SETD2: variants seen among roughly 807,000 people sequenced by gnomAD.
SETD2 encodes SET domain containing 2, histone lysine methyltransferase, also known as histone-lysine N-methyltransferase SETD2.
A neutral mutation model predicts 242.1 loss-of-function variants in SETD2; 31 were observed. That is an observed-to-expected ratio of 0.13 (90% CI 0.10 to 0.17). SETD2 has a LOEUF of 0.17. Ranked by LOEUF, SETD2 falls within the 10% of genes least tolerant of loss-of-function variation. The probability of loss-of-function intolerance (pLI) is 1.00; values close to 1 mark genes in which losing one functional copy is unlikely to be tolerated. For synonymous variants in SETD2, 1,006 were observed against 1,066.5 expected (o/e 0.94, Z 1.11); for missense variants, 2,481 against 3,046.3 (o/e 0.81, Z 4.37).
At chr3:47,110,412 A>G (rs142267117) in intron 5 of SETD2, among the ~76,000 whole-genome samples, 3 of 152,336 alleles carry the variant, frequency 2.0e-5, no homozygotes, top group African/African-American at 7.2e-5. Flanking sequence ...AAAATGGTCA[A>G]TATTATATTA....
At chr3:47,162,078 G>A (rs1421945945) in intron 1 of SETD2, among the ~76,000 whole-genome samples, 2 of 152,106 alleles carry the variant, frequency 1.3e-5, no homozygotes, top group Non-Finnish European at 2.9e-5. Flanking sequence ...GTCTACCAAA[G>A]ATGCACTTCT....
At chr3:47,065,985 T>G (rs1403851672) in intron 13 of SETD2, among the ~76,000 whole-genome samples, 1 of 152,158 alleles carries the variant, frequency 6.6e-6, no homozygotes, top group Non-Finnish European at 1.5e-5. Flanking sequence ...AGTCAACCCT[T>G]GAACAACATG....
At chr3:47,112,599 T>C (rs1320619804) in intron 5 of SETD2, among the ~76,000 whole-genome samples, 2 of 150,520 alleles carry the variant, frequency 1.3e-5, no homozygotes, top group Non-Finnish European at 3.0e-5. Context: ...GGGTTTTTTG[T>C]TTGTTTTCGA....
rs2106696786 is a variant in SETD2, at chr3:47,123,160, A to G, written c.1476T>C (p.Asp492=). 6.2e-7 allele frequency: 1 copy of G among 1,611,262 alleles called. No individual in the cohort carries two copies. The highest frequency in any genetic ancestry group is 2.2e-5 in the East Asian group (1 of 44,834). Residue 492 remains aspartate (D), a synonymous_variant, in exon 3 of 21, where the codon GAT becomes GAC. Coordinates refer to ENST00000409792, the MANE Select transcript of SETD2 (RefSeq NM_014159.7). ...DLRTSSYSKS[D]RDCKTETSYL... The stretch of plus-strand genomic sequence containing the variant: ...AAGAGGTCTCAGTTTTACAGTCCCG[A>G]TCAGATTTAGAATAGGATGATGTCC...
intron 8 of SETD2, among the ~76,000 whole-genome samples, chr3:47,101,174 AAG>A (rs2042197559): frequency 6.6e-6 from 1 of 152,090 alleles, no homozygotes; most frequent in Non-Finnish European, 1.5e-5. Flanking sequence ...CAGACACAAA[AAG>A]AGTTGGCATG....
Position 47,120,948 on chromosome 3 carries a change from G to A in SETD2, c.3688C>T (p.Leu1230=), listed in dbSNP as rs749093231. 6.2e-7 allele frequency: 1 copy of A among 1,614,200 alleles called. No individual in the cohort carries two copies. The highest frequency in any genetic ancestry group is 8.5e-7 in the Non-Finnish European group (1 of 1,180,024). ...GAAAAACTCAATTCTGTTTTTCCCAGTCTACTATCTGGCCTGTTTTGGAAA... is the reference window on the plus strand; with the variant it reads ...GAAAAACTCAATTCTGTTTTTCCCAATCTACTATCTGGCCTGTTTTGGAAA... The part of the protein sequence containing the change: ...TTFQNRPDSR[L]GKTELSFSSS... The change falls in exon 3 of 21, where the codon CTG becomes TTG. Residue 1230 remains leucine, a synonymous_variant. Coordinates refer to ENST00000409792, the MANE Select transcript of SETD2 (RefSeq NM_014159.7).
intron 18 of SETD2, among the ~76,000 whole-genome samples, chr3:47,021,914 G>T (rs138245418): frequency 9.8e-4 from 149 of 151,452 alleles, no homozygotes; most frequent in African/African-American, 3.4e-3. Context: ...TTTGGGAGGC[G>T]GAGGAGGGCG....
At chr3:47,049,670 CCT>C (rs2039717325) in intron 15 of SETD2, among the ~76,000 whole-genome samples, 1 of 146,528 alleles carries the variant, frequency 6.8e-6, no homozygotes, top group Admixed American at 6.9e-5. Context: ...CCGCGCCTGG[CCT>C]ATATATAAAC....
At chr3:47,022,081 G>C (rs2038246169) in intron 18 of SETD2, among the ~76,000 whole-genome samples, 1 of 152,002 alleles carries the variant, frequency 6.6e-6, no homozygotes, top group African/African-American at 2.4e-5. Context: ...TGTAGTCCCA[G>C]CTACTTGGGA....
At chr3:47,132,260 G>A (rs1034939691) in intron 1 of SETD2, among the ~76,000 whole-genome samples, 1 of 151,272 alleles carries the variant, frequency 6.6e-6, no homozygotes, top group Non-Finnish European at 1.5e-5. Context: ...AGCCTCCTGA[G>A]TAGCTGGGAC....
chr3:47,041,662 C>A (rs1422935986), intron 17 of SETD2, among the ~76,000 whole-genome samples: 1 of 152,096 alleles, frequency 6.6e-6, no homozygotes, highest in Non-Finnish European at 1.5e-5. Flanking sequence ...CAGAGACACA[C>A]ACACACAAAG....
At chr3:47,112,464 T>C (rs1426794975) in intron 5 of SETD2, among the ~76,000 whole-genome samples, 1 of 152,162 alleles carries the variant, frequency 6.6e-6, no homozygotes, top group African/African-American at 2.4e-5. Context: ...GTATTTTTAG[T>C]AGTGACAGGG....
chr3:47,151,113 G>T (rs1021657876), intron 1 of SETD2, among the ~76,000 whole-genome samples: 1 of 151,888 alleles, frequency 6.6e-6, no homozygotes, highest in African/African-American at 2.4e-5. Flanking sequence ...TCCATTAAAA[G>T]AGAAGAACAT....
intron 1 of SETD2, among the ~76,000 whole-genome samples, chr3:47,160,639 CT>C (rs926783227): frequency 5.3e-5 from 8 of 152,058 alleles, no homozygotes; most frequent in African/African-American, 1.9e-4. Flanking sequence ...ATTATCACCC[CT>C]ATTAGGATGT....
At chr3:47,089,035 T>C (rs951879781) in intron 9 of SETD2, among the ~76,000 whole-genome samples, 8 of 152,218 alleles carry the variant, frequency 5.3e-5, no homozygotes, top group African/African-American at 1.7e-4. Context: ...CCATCAATCT[T>C]AAAAATATGT....
intron 1 of SETD2, among the ~76,000 whole-genome samples, chr3:47,154,862 C>T (rs1391914853): frequency 2.6e-5 from 4 of 151,440 alleles, no homozygotes; most frequent in Non-Finnish European, 2.9e-5. Flanking sequence ...GGCGTGGTGG[C>T]GGGCGCCTGT....
At chr3:47,150,219 T>C (rs1163666132) in intron 1 of SETD2, among the ~76,000 whole-genome samples, 1 of 151,814 alleles carries the variant, frequency 6.6e-6, no homozygotes, top group Non-Finnish European at 1.5e-5. Context: ...TTTTGTATTT[T>C]AGTAGAGATG....
In SETD2 at chr3:47,121,423, A is replaced by C. The variant is rs2043081289; in HGVS notation, c.3213T>G (p.Val1071=). Residue 1071 remains valine, a synonymous_variant, in exon 3 of 21, where the codon GTT becomes GTG. Transcript: ENST00000409792. ...IPRNRLQSVV[V]VPKNSTLPME... ...TGGGCAAAGTAGAATTCTTTGGCAC[A>C]ACCACAACAGACTGGAGACGGTTTC... 7 of 1,611,518 alleles carry C rather than the reference A, an allele frequency of 4.3e-6. No individual in the cohort carries two copies. The highest frequency in any genetic ancestry group is 5.9e-6 in the Non-Finnish European group (7 of 1,180,014).
Position 47,163,808 on chromosome 3 carries a change from G to A in SETD2, c.71+46C>T, listed in dbSNP as rs757837061. ...TCAGGACGCGCCGCCCTCGGCTGGGGATAAGGCGGCCGACAGCAGCGGGGG... is the reference window on the plus strand; with the variant it reads ...TCAGGACGCGCCGCCCTCGGCTGGGAATAAGGCGGCCGACAGCAGCGGGGG... On this transcript the variant is annotated intron_variant, in intron 1 of 20. Coordinates refer to ENST00000409792, the MANE Select transcript of SETD2 (RefSeq NM_014159.7). 19 of 1,247,866 alleles carry A rather than the reference G, an allele frequency of 1.5e-5. No homozygotes were observed. In the African/African-American group the frequency reaches 2.8e-4, roughly 18 times the overall value. 77.3% of individuals were successfully genotyped at this position (1,247,866 alleles called of 1,614,324 possible). A position where few individuals can be genotyped will look rare whatever the true frequency, so the allele number is the denominator to read the frequency against.
Sources: allele counts gnomAD v4.1 joint callset (sites outside exome capture counted in the v4.1 genomes callset), GRCh38; gene constraint gnomAD v4.1.1; transcripts MANE v1.5; gene names NCBI Gene and HGNC (gene_info 2026-07-23, HGNC 2026-07-21).